URI1: variants seen among roughly 807,000 people sequenced by gnomAD.
The protein encoded by URI1 is URI1 prefoldin like chaperone, also known as unconventional prefoldin RPB5 interactor 1.
A neutral mutation model predicts 60.2 loss-of-function variants in URI1; 39 were observed. The ratio of observed to expected loss-of-function variants is 0.65; its 90% CI spans 0.50 to 0.85. URI1 has a LOEUF of 0.85. Ranked by LOEUF, URI1 falls within the 40% of genes least tolerant of loss-of-function variation. The probability of loss-of-function intolerance (pLI) is 0.00; values close to 1 mark genes in which losing one functional copy is unlikely to be tolerated. For synonymous variants in URI1, 251 were observed against 236.8 expected (o/e 1.06, Z -0.55); for missense variants, 691 against 665.9 (o/e 1.04, Z -0.42).
Position 29,924,989 on chromosome 19 carries a change from C to T in URI1, c.63+1235C>T, listed in dbSNP as rs142524221. ...TAGCTGGGATCACAGGCATGCACCA[C>T]CACGCCCGGCTAATTTTTGTATTTT... On this transcript the variant is annotated intron_variant, in intron 1 of 10. Coordinates refer to the URI1 transcript ENST00000360605. Among the ~76,000 whole-genome samples, 211 of 152,352 alleles carry T rather than the reference C, an allele frequency of 1.4e-3. 1 individual carries two copies. The highest frequency in any genetic ancestry group is 4.7e-3 in the African/African-American group (196 of 41,582).
intron 1 of URI1, among the ~76,000 whole-genome samples, chr19:29,969,386 A>G (rs2145319953): frequency 6.6e-6 from 1 of 152,306 alleles, no homozygotes; most frequent in Non-Finnish European, 1.5e-5. Flanking sequence ...TTAAACATAA[A>G]AAGCATATGT....
rs144422808 is a variant in URI1 at position 29,981,722 on chromosome 19, C to T, written c.153-3501C>T. Among the ~76,000 whole-genome samples, 4 of 152,206 alleles carry T rather than the reference C, an allele frequency of 2.6e-5. No homozygotes were observed. In the South Asian group the frequency reaches 6.2e-4, roughly 24 times the overall value. ...GTTGAAGCCAAAGAAGCAGGTCTAG[C>T]TATTCTAAGTAAGTAGGCTGGAGAG... On this transcript the variant is annotated intron_variant, in intron 2 of 10. Coordinates refer to ENST00000392271, the MANE Select transcript of URI1 (RefSeq NM_003796.3).
chr19:29,942,160 G>T, upstream of URI1: 1 of 964,036 alleles, frequency 1.0e-6, no homozygotes, highest in South Asian at 4.8e-5. Flanking sequence ...CACTCCCCTG[G>T]GGGCGGGGCC....
At chr19:29,927,788 G>T (rs2054882414) in intron 1 of URI1, among the ~76,000 whole-genome samples, 1 of 151,752 alleles carries the variant, frequency 6.6e-6, no homozygotes, top group African/African-American at 2.4e-5. Flanking sequence ...TGTTGGTCAG[G>T]CTGGTCTCAA....
At chr19:29,941,441 G>C (rs763608330), upstream of URI1, among the ~76,000 whole-genome samples, 1 of 151,938 alleles carries the variant, frequency 6.6e-6, no homozygotes, top group South Asian at 2.1e-4. Flanking sequence ...GGCAACATAG[G>C]GAGACCCCGC....
At chr19:29,969,523 A>G (rs2055432432) in intron 1 of URI1, among the ~76,000 whole-genome samples, 1 of 152,212 alleles carries the variant, frequency 6.6e-6, no homozygotes, top group Non-Finnish European at 1.5e-5. Flanking sequence ...CCTTTAAATA[A>G]TGTAAATGAT....
At chr19:29,952,267 C>T (rs2055189377) in intron 1 of URI1, among the ~76,000 whole-genome samples, 1 of 152,140 alleles carries the variant, frequency 6.6e-6, no homozygotes, top group South Asian at 2.1e-4. Flanking sequence ...TCTTGATGCA[C>T]AAAGATTATA....
rs369881457 is a variant in URI1 at position 30,006,793 on chromosome 19, T to C, written c.518-677T>C. Among the ~76,000 whole-genome samples, 14 of 152,274 alleles carry C rather than the reference T, an allele frequency of 9.2e-5. No homozygotes were observed. In the East Asian group the frequency reaches 2.3e-3, roughly 25 times the overall value. On this transcript the variant is annotated intron_variant, in intron 6 of 10. Coordinates refer to ENST00000392271, the MANE Select transcript of URI1 (RefSeq NM_003796.3). ...AAGCAAATAAAGCCTTAATTTGCTT[T>C]ATTAAAAAATAATCTATTTTTTAAA...
intron 4 of URI1, among the ~76,000 whole-genome samples, chr19:30,003,764 T>C (rs546713039): frequency 2.6e-5 from 4 of 152,182 alleles, no homozygotes; most frequent in South Asian, 2.1e-4. Flanking sequence ...TATATGTGGA[T>C]AGACTTTTAA....
intron 1 of URI1, among the ~76,000 whole-genome samples, chr19:29,945,757 G>T (rs1364308792): frequency 1.3e-5 from 2 of 152,056 alleles, no homozygotes; most frequent in Non-Finnish European, 2.9e-5. Context: ...GGTGGTTCCA[G>T]TTACGTTTAT....
At chr19:29,990,659 GA>G (rs1189839666) in intron 4 of URI1, among the ~76,000 whole-genome samples, 2 of 152,180 alleles carry the variant, frequency 1.3e-5, no homozygotes, top group Non-Finnish European at 2.9e-5. Context: ...GAAATATTCA[GA>G]AAAGGTAAAT....
chr19:29,988,404 C>T (rs76876588), intron 4 of URI1, among the ~76,000 whole-genome samples: 2,066 of 152,214 alleles, frequency 0.014, 48 homozygotes, highest in African/African-American at 0.047. Flanking sequence ...TTAGCCAGCA[C>T]CACAGTCAGG....
In URI1 at chr19:30,005,658, G is replaced by A. The variant is rs1394871675; in HGVS notation, c.467G>A (p.Gly156Asp). The A allele has an allele frequency of 6.2e-7, 1 of 1,611,068 alleles. No homozygotes were observed. Among genetic ancestry groups the A allele is most frequent in the African/African-American group, 1.3e-5 (1 of 74,702 alleles). Residue 156 changes from glycine to aspartate, a missense_variant, in exon 6 of 11, where the codon GGT becomes GAT. By Grantham distance (94) the Gly-to-Asp change is moderately conservative. Coordinates refer to ENST00000392271, the MANE Select transcript of URI1 (RefSeq NM_003796.3). ...TTTTTGTTTAAAAACCAGGCTGCAG[G>A]TGATATTGTTGACATACGAGAAGAA... ...EDLQKMSDAA[G>D]DIVDIREEIK...
chr19:30,000,692 C>A (rs569195079), intron 4 of URI1, among the ~76,000 whole-genome samples: 1 of 151,916 alleles, frequency 6.6e-6, no homozygotes, highest in South Asian at 2.1e-4. Context: ...CTTTGAGATT[C>A]CTTTTTGGTC....
Position 29,942,572 on chromosome 19 carries a change from C to A in URI1, c.25C>A (p.Pro9Thr). The A allele has an allele frequency of 1.4e-6, 2 of 1,419,218 alleles. No homozygotes were observed. Among genetic ancestry groups the A allele is most frequent in the South Asian group, 1.4e-5 (1 of 70,378 alleles). The allele number at this position is 1,419,218 out of a possible 1,614,324, so 87.9% of individuals were successfully genotyped here. Residue 9 changes from proline to threonine, a missense_variant, in exon 1 of 11, where the codon CCC becomes ACC. Physicochemically the swap from Pro to Thr is conservative, Grantham distance 38 (BLOSUM62 -1). Transcript: ENST00000392271. ...CATGGAGGCGCCCACCGTGGAGACG[C>A]CCCCCGACCCCTCGCCCCCTTCGGC... The part of the protein sequence containing the change: MEAPTVET[P>T]PDPSPPSAPA...
intron 2 of URI1, among the ~76,000 whole-genome samples, chr19:29,981,204 A>C (rs2055593289): frequency 6.6e-6 from 1 of 152,040 alleles, no homozygotes; most frequent in African/African-American, 2.4e-5. Context: ...TATTATGACA[A>C]ATTTCAAACA....
rs190536573 is a variant in URI1, at chr19:29,929,325, G to A, written c.63+5571G>A. 5.7e-3 allele frequency among the ~76,000 whole-genome samples: 857 copies of A among 150,810 alleles called. 11 individuals are homozygous for A. The highest frequency in any genetic ancestry group is 0.02 in the African/African-American group (815 of 40,934). ...TAAAAAAAAATTTAAGGCTGGGTGC[G>A]GTGACTCATGCCTGTAATCCCAGCA... On this transcript the variant is annotated intron_variant, in intron 1 of 10. Transcript: ENST00000360605.
chr19:29,970,900 A>G (rs1424752005), intron 1 of URI1, among the ~76,000 whole-genome samples: 2 of 152,154 alleles, frequency 1.3e-5, no homozygotes, highest in Non-Finnish European at 2.9e-5. Flanking sequence ...TGTACAAAAT[A>G]CTAGTTATCT....
intron 4 of URI1, among the ~76,000 whole-genome samples, chr19:30,001,135 T>C (rs911190445): frequency 1.4e-4 from 22 of 151,866 alleles, no homozygotes; most frequent in African/African-American, 4.3e-4. Context: ...CTCTTTTCTC[T>C]CTTGCTCTCT....
Sources: gnomAD v4.1 joint callset for allele counts (sites outside exome capture counted in the v4.1 genomes callset) on GRCh38, gnomAD v4.1.1 for gene constraint, MANE v1.5 for transcripts, NCBI Gene and HGNC (gene_info 2026-07-23, HGNC 2026-07-21) for gene names.